The following CLCN5 variants were observed in gnomAD, a reference collection of about 807,000 sequenced individuals.
CLCN5 encodes the protein H(+)/Cl(-) exchange transporter 5.
A neutral mutation model predicts 54.0 loss-of-function variants in CLCN5; 17 were observed. That is an observed-to-expected ratio of 0.31 (90% CI 0.22 to 0.47). CLCN5 has a LOEUF of 0.47. Among genes scored for constraint, CLCN5 ranks in the 20% least tolerant of loss-of-function variants. The pLI, the probability that CLCN5 is intolerant of heterozygous loss-of-function variation, is 1.00. For missense variants in CLCN5, 448 were observed against 646.7 expected, an observed-to-expected ratio of 0.69 and a Z score of 3.33; for synonymous variants, 222 against 233.0, an observed-to-expected ratio of 0.95 and a Z score of 0.43.
chrX:49,955,430 G>A (rs1347696578), intron 3 of CLCN5, among the ~76,000 whole-genome samples: 17 of 109,218 alleles, frequency 1.6e-4, no homozygotes, highest in Non-Finnish European at 1.5e-4. Context: ...TAGCTGTTTA[G>A]TCACCCCCCA....
intron 4 of CLCN5, chrX:50,069,393 A>T (rs1933147083): frequency 2.6e-6 from 1 of 382,130 alleles, no homozygotes; most frequent in African/African-American, 2.8e-5. Context: ...TGTACATTCC[A>T]GCCAACTTAA....
intron 2 of CLCN5, 32 bp downstream of exon 2, chrX:49,923,514 T>TA (rs1422528592): frequency 8.9e-6 from 1 of 112,407 alleles, no homozygotes; most frequent in African/African-American, 3.2e-5. Flanking sequence ...GTTTGGAGCA[T>TA]AAAAAACCAG....
At chrX:50,083,897 C>G (rs1313654464) in intron 9 of CLCN5, among the ~76,000 whole-genome samples, 1 of 111,851 alleles carries the variant, frequency 8.9e-6, no homozygotes, top group East Asian at 2.8e-4. Flanking sequence ...CTACAGATTG[C>G]TGGGGACTTT....
At chrX:49,934,334 G>A (rs782028117) in intron 3 of CLCN5, among the ~76,000 whole-genome samples, 61 of 111,184 alleles carry the variant, frequency 5.5e-4, no homozygotes, top group Non-Finnish European at 1.1e-3. Context: ...CCAGAATTAT[G>A]ATTCAGCTTC....
chrX:50,035,708 G>T (rs1931962675), intron 3 of CLCN5, among the ~76,000 whole-genome samples: 1 of 112,180 alleles, frequency 8.9e-6, no homozygotes, highest in Non-Finnish European at 1.9e-5. Flanking sequence ...CAAATTTGTG[G>T]CAAGAGATAA....
chrX:49,954,334 A>G (rs1433459454), intron 3 of CLCN5, among the ~76,000 whole-genome samples: 3 of 111,255 alleles, frequency 2.7e-5, no homozygotes, highest in Admixed American at 1.9e-4. Flanking sequence ...TTCTTGAAAC[A>G]TTATGAGATT....
intron 6 of CLCN5, among the ~76,000 whole-genome samples, chrX:50,073,911 T>C (rs1373143642): frequency 9.0e-6 from 1 of 111,657 alleles, no homozygotes; most frequent in Non-Finnish European, 1.9e-5. Flanking sequence ...GGCTATAGTT[T>C]GCCAACCCAT....
intron 1 of CLCN5, 128 bp from the exon 2 acceptor site, chrX:49,923,279 C>T (rs1296580401): frequency 8.8e-6 from 1 of 113,301 alleles, no homozygotes; most frequent in Admixed American, 9.2e-5. Flanking sequence ...GCGCTGTTTT[C>T]CTTTTGCCAC....
At chrX:49,934,193 C>T (rs1429175556) in intron 3 of CLCN5, among the ~76,000 whole-genome samples, 3 of 111,887 alleles carry the variant, frequency 2.7e-5, no homozygotes, top group Non-Finnish European at 5.6e-5. Context: ...TGCTTTACTG[C>T]TACCGTGAAA....
At chrX:50,012,607 C>G (rs1369724398) in intron 3 of CLCN5, among the ~76,000 whole-genome samples, 1 of 112,133 alleles carries the variant, frequency 8.9e-6, no homozygotes, top group Non-Finnish European at 1.9e-5. Flanking sequence ...GAGAGGGAAT[C>G]TCATCCATGT....
chrX:50,051,918 C>T (rs1377863253), intron 4 of CLCN5, among the ~76,000 whole-genome samples: 1 of 111,059 alleles, frequency 9.0e-6, no homozygotes, highest in Non-Finnish European at 1.9e-5. Context: ...GGGTTTTTTC[C>T]CCTTCAGGAT....
intron 4 of CLCN5, chrX:50,067,453 A>G (rs1933064744): frequency 4.2e-6 from 1 of 236,512 alleles, no homozygotes; most frequent in Non-Finnish European, 6.0e-6. Flanking sequence ...GTTTGATGGC[A>G]TTTGTTTAGA....
intron 9 of CLCN5, chrX:50,085,560 GTCAT>G (rs1228781576): frequency 4.6e-6 from 1 of 219,248 alleles, no homozygotes; most frequent in Non-Finnish European, 8.3e-6. Context: ...TCAGTTTTAT[GTCAT>G]TAGAGCCTTC....
Position 50,086,738 on chromosome X carries a change from C to T in CLCN5, c.1425C>T (p.Asn475=), listed in dbSNP as rs781808012. The T allele has an allele frequency of 2.5e-6, 3 of 1,211,244 alleles. No individual in the cohort carries two copies. The highest frequency in any genetic ancestry group is 3.4e-6 in the Non-Finnish European group (3 of 895,482). Residue 475 remains asparagine (N), a synonymous_variant, in exon 11 of 15, where the codon AAC becomes AAT. Coordinates refer to ENST00000376091, the MANE Select transcript of CLCN5 (RefSeq NM_001127898.4). ...CCTCCAAGCTCTGTGATTATGAGAA[C>T]CGTTTCAACACAAGCAAAGGGGGTG... ...LDSSKLCDYE[N]RFNTSKGGEL... is the part of the protein sequence containing the mutation.
intron 3 of CLCN5, among the ~76,000 whole-genome samples, chrX:49,964,750 T>TA (rs1473561013): frequency 9.0e-6 from 1 of 111,342 alleles, no homozygotes; most frequent in South Asian, 3.8e-4. Context: ...TTTATTTTTT[T>TA]TATATATTAT....
intron 3 of CLCN5, among the ~76,000 whole-genome samples, chrX:49,935,128 C>A (rs1464723874): frequency 1.8e-5 from 2 of 111,827 alleles, no homozygotes; most frequent in Non-Finnish European, 3.8e-5. Flanking sequence ...ATCTTACATT[C>A]CTCTGTATTG....
At chrX:49,956,727 T>C (rs782404244) in intron 3 of CLCN5, among the ~76,000 whole-genome samples, 38 of 112,260 alleles carry the variant, frequency 3.4e-4, no homozygotes, top group African/African-American at 1.2e-3. Context: ...TATCATTATA[T>C]TTTAACCTAC....
rs2147611363 is a variant in CLCN5 at position 50,092,224 on chromosome X, A to G, written c.*5A>G. ...GATTCCATTCTCTTCAACTAGAATCATAGAGTTCTGGATGTAAAGCGGGAA... is the reference window on the plus strand; with the variant it reads ...GATTCCATTCTCTTCAACTAGAATCGTAGAGTTCTGGATGTAAAGCGGGAA... On this transcript the variant is annotated 3_prime_UTR_variant, in exon 15 of 15. Coordinates refer to ENST00000376091, the MANE Select transcript of CLCN5 (RefSeq NM_001127898.4). 1 of 1,153,366 alleles carries G rather than the reference A, an allele frequency of 8.7e-7. No individual in the cohort carries two copies. The highest frequency in any genetic ancestry group is 1.2e-6 in the Non-Finnish European group (1 of 842,158).
intron 3 of CLCN5, among the ~76,000 whole-genome samples, chrX:50,011,863 G>A (rs1466889895): frequency 8.9e-6 from 1 of 111,910 alleles, no homozygotes; most frequent in African/African-American, 3.2e-5. Flanking sequence ...CTTCAGTCCT[G>A]TTCCCCCTCT....
Sources: allele counts gnomAD v4.1 joint callset (sites outside exome capture counted in the v4.1 genomes callset), GRCh38; gene constraint gnomAD v4.1.1; transcripts MANE v1.5; gene names NCBI Gene and HGNC (gene_info 2026-07-23, HGNC 2026-07-21).